Variants in NR3C2 observed in about 807,000 individuals in gnomAD.
NR3C2 encodes mineralocorticoid receptor.
NR3C2 carries 15 observed loss-of-function variants against 86.4 expected under a neutral mutation model. The observed-to-expected ratio is 0.17, with a 90% CI of 0.12 to 0.27. The LOEUF is 0.27. Ranked by LOEUF, NR3C2 falls within the 10% of genes least tolerant of loss-of-function variation. The pLI, the probability that NR3C2 is intolerant of heterozygous loss-of-function variation, is 1.00. For missense variants in NR3C2, 960 were observed against 1,195.6 expected (o/e 0.80, Z 2.91); for synonymous variants, 458 against 450.5 (o/e 1.02, Z -0.21).
In NR3C2 at chr4:148,088,518, T is replaced by C. The variant is rs867112343; in HGVS notation, c.2800-7019A>G. On this transcript the variant is annotated intron_variant, in intron 8 of 8. Coordinates refer to ENST00000358102, the MANE Select transcript of NR3C2 (RefSeq NM_000901.5). The stretch of plus-strand genomic sequence containing the variant: ...AAGAAAATGTGGCACATACACACCA[T>C]GGAATACTATGCAGCCATAAAAAGG... 1.4e-4 allele frequency among the ~76,000 whole-genome samples: 22 copies of C among 152,268 alleles called. No individual in the cohort carries two copies. In the Middle Eastern group the frequency reaches 0.01, roughly 71 times the overall value.
chr4:148,302,015 G>A (rs953509656), intron 2 of NR3C2, among the ~76,000 whole-genome samples: 2 of 152,088 alleles, frequency 1.3e-5, no homozygotes, highest in African/African-American at 2.4e-5. Flanking sequence ...TTAAGTTATT[G>A]TAAACCACAG....
rs913672606 is a variant in NR3C2, at chr4:148,178,287, C to T, written c.2014+16459G>A. Among the ~76,000 whole-genome samples the T allele has an allele frequency of 5.3e-5, 8 of 151,830 alleles. 1 individual carries two copies. The highest frequency in any genetic ancestry group is 4.2e-4 in the South Asian group (2 of 4,736). On this transcript the variant is annotated intron_variant, in intron 4 of 8. Transcript: ENST00000358102. ...CGGAGGTTTCAGTGAGCTGAGAATG[C>T]GCCACCTCACTCCAGCCTGGGCAAC... is the stretch of plus-strand genomic sequence containing the variant.
chr4:148,430,383 C>T (rs1331677791), intron 2 of NR3C2, among the ~76,000 whole-genome samples: 1 of 152,082 alleles, frequency 6.6e-6, no homozygotes, highest in Non-Finnish European at 1.5e-5. Flanking sequence ...CACAAAAGTA[C>T]ACTGTACATA....
chr4:148,223,152 T>A (rs891513911), intron 3 of NR3C2, among the ~76,000 whole-genome samples: 2 of 152,054 alleles, frequency 1.3e-5, no homozygotes, highest in African/African-American at 4.8e-5. Flanking sequence ...TACCACCTAC[T>A]CGGCCCTACA....
chr4:148,356,887 C>T (rs1745571028), intron 2 of NR3C2, among the ~76,000 whole-genome samples: 3 of 143,516 alleles, frequency 2.1e-5, no homozygotes, highest in Non-Finnish European at 3.1e-5. Context: ...CAAAAGCACA[C>T]ACTAAGCACG....
intron 1 of NR3C2, 143 bp from the exon 2 acceptor site, chr4:148,437,005 C>T: frequency 1.4e-6 from 1 of 700,306 alleles, no homozygotes; most frequent in African/African-American, 1.8e-5. Context: ...AAACTGTTAC[C>T]TTTTTGGATG....
At chr4:148,368,639 G>T (rs187726986) in intron 2 of NR3C2, among the ~76,000 whole-genome samples, 2 of 152,200 alleles carry the variant, frequency 1.3e-5, no homozygotes, top group East Asian at 3.9e-4. Flanking sequence ...ATATATAATG[G>T]TTCGCTGAAT....
At chr4:148,103,813 T>C (rs1731652874) in intron 8 of NR3C2, among the ~76,000 whole-genome samples, 1 of 152,066 alleles carries the variant, frequency 6.6e-6, no homozygotes, top group African/African-American at 2.4e-5. Context: ...CATATTCCAG[T>C]CAGACTCCAC....
At chr4:148,427,433 G>C (rs377259839) in intron 2 of NR3C2, among the ~76,000 whole-genome samples, 3 of 152,102 alleles carry the variant, frequency 2.0e-5, no homozygotes, top group South Asian at 4.2e-4. Context: ...GTGAAGAAAG[G>C]GGGTGGCCAA....
intron 2 of NR3C2, among the ~76,000 whole-genome samples, chr4:148,322,826 G>T (rs1284357350): frequency 5.3e-5 from 5 of 94,820 alleles, no homozygotes; most frequent in African/African-American, 2.2e-4. Context: ...TGGTTTGAAT[G>T]TCCTCCCGTA....
At chr4:148,184,328 G>A (rs562540576) in intron 4 of NR3C2, among the ~76,000 whole-genome samples, 37 of 151,660 alleles carry the variant, frequency 2.4e-4, no homozygotes, top group Non-Finnish European at 3.8e-4. Flanking sequence ...GTGTAGTGGC[G>A]GGCACCTGTA....
At chr4:148,163,390 C>A (rs1440387713) in intron 4 of NR3C2, among the ~76,000 whole-genome samples, 1 of 152,174 alleles carries the variant, frequency 6.6e-6, no homozygotes, top group African/African-American at 2.4e-5. Context: ...AAAGAAATCT[C>A]TCTGGCTCAT....
chr4:148,305,941 G>C (rs17581605), intron 2 of NR3C2, among the ~76,000 whole-genome samples: 3 of 152,046 alleles, frequency 2.0e-5, no homozygotes, highest in Non-Finnish European at 4.4e-5. Flanking sequence ...AAAGAGACTC[G>C]CCAGAGCTAG....
rs1367603409 is a variant in NR3C2, at chr4:148,104,932, TC to T, written c.2799+9171del. 2.0e-5 allele frequency among the ~76,000 whole-genome samples: 3 copies of T among 152,288 alleles called. No individual in the cohort carries two copies. In the East Asian group the frequency reaches 5.8e-4, roughly 29 times the overall value. On this transcript the variant is annotated intron_variant, in intron 8 of 8. Coordinates refer to ENST00000358102, the MANE Select transcript of NR3C2 (RefSeq NM_000901.5). ...GCTTCTATTTTGGCCTCAGAACATTTCCTGAGGAGAAACTTTGCCTGAGTGG... is the reference window on the plus strand; with the variant it reads ...GCTTCTATTTTGGCCTCAGAACATTTCTGAGGAGAAACTTTGCCTGAGTGG...
intron 4 of NR3C2, among the ~76,000 whole-genome samples, chr4:148,193,095 T>A (rs1343045867): frequency 6.6e-6 from 1 of 152,210 alleles, no homozygotes; most frequent in Non-Finnish European, 1.5e-5. Context: ...TCCCGATGGA[T>A]CCCTGTGGTG....
chr4:148,367,983 C>T (rs1439820846), intron 2 of NR3C2, among the ~76,000 whole-genome samples: 1 of 152,032 alleles, frequency 6.6e-6, no homozygotes, highest in African/African-American at 2.4e-5. Flanking sequence ...TGTATTTCCT[C>T]TACAACCTAC....
At chr4:148,271,344 G>A (rs1740673410) in intron 2 of NR3C2, among the ~76,000 whole-genome samples, 1 of 152,086 alleles carries the variant, frequency 6.6e-6, no homozygotes, top group African/African-American at 2.4e-5. Context: ...CCAGAACAAT[G>A]AAGGAATCCT....
chr4:148,122,428 T>G (rs1732549517), intron 6 of NR3C2, among the ~76,000 whole-genome samples: 1 of 152,238 alleles, frequency 6.6e-6, no homozygotes, highest in Non-Finnish European at 1.5e-5. Flanking sequence ...TAATTATATT[T>G]CACACATATT....
At chr4:148,224,260 T>C (rs1219424567) in intron 3 of NR3C2, among the ~76,000 whole-genome samples, 1 of 152,076 alleles carries the variant, frequency 6.6e-6, no homozygotes, top group Non-Finnish European at 1.5e-5. Flanking sequence ...ATTTTATGAC[T>C]AAGAGAAAAA....
Sources: allele counts gnomAD v4.1 joint callset (sites outside exome capture counted in the v4.1 genomes callset), GRCh38; gene constraint gnomAD v4.1.1; transcripts MANE v1.5; gene names NCBI Gene and HGNC (gene_info 2026-07-23, HGNC 2026-07-21).